The following GABBR2 variants were observed in gnomAD, a reference collection of about 807,000 sequenced individuals.
GABBR2 encodes G-protein coupled receptor 51.
A neutral mutation model predicts 105.6 loss-of-function variants in GABBR2; 23 were observed. That is an observed-to-expected ratio of 0.22 (90% CI 0.16 to 0.31). GABBR2 has a LOEUF of 0.31. Ranked by LOEUF, GABBR2 falls within the 10% of genes least tolerant of loss-of-function variation. The pLI is 1.00. For missense variants in GABBR2, 734 were observed against 1,245.5 expected (o/e 0.59, Z 6.18); for synonymous variants, 478 against 499.7 (o/e 0.96, Z 0.58).
rs1832687233 is a variant in GABBR2, at chr9:98,416,203, C to T, written c.1237-10062G>A. Among the ~76,000 whole-genome samples, 6 of 152,286 alleles carry T rather than the reference C, an allele frequency of 3.9e-5. No homozygotes were observed. The South Asian group carries it at 1.2e-3, about 32-fold the overall frequency. On this transcript the variant is annotated intron_variant, in intron 7 of 18. Coordinates refer to ENST00000259455, the MANE Select transcript of GABBR2 (RefSeq NM_005458.8). ...GGCTCTCAGCTCTCTCTGGAGCCTG[C>T]AGGAGCTGGCTCCAGCACACCCATA...
intron 3 of GABBR2, among the ~76,000 whole-genome samples, chr9:98,498,528 G>A (rs182681972): frequency 1.3e-5 from 2 of 152,346 alleles, no homozygotes; most frequent in East Asian, 3.9e-4. Flanking sequence ...AGACAAAACA[G>A]ACTGTGATGG....
intron 1 of GABBR2, among the ~76,000 whole-genome samples, chr9:98,587,175 T>C (rs986680819): frequency 2.0e-5 from 3 of 152,228 alleles, no homozygotes; most frequent in African/African-American, 7.2e-5. Context: ...TTTCATATGC[T>C]TATAGCCTGT....
At chr9:98,367,653 C>A (rs192235113) in intron 12 of GABBR2, among the ~76,000 whole-genome samples, 3 of 152,256 alleles carry the variant, frequency 2.0e-5, no homozygotes, top group Admixed American at 2.0e-4. Context: ...GCTGGATGAG[C>A]ACATTATTCC....
intron 6 of GABBR2, among the ~76,000 whole-genome samples, chr9:98,469,993 T>C (rs1350090842): frequency 3.9e-5 from 6 of 152,188 alleles, no homozygotes; most frequent in Non-Finnish European, 5.9e-5. Flanking sequence ...TGTTTGACCA[T>C]AGACTTCTGA....
At chr9:98,663,801 T>C (rs1830299387) in intron 1 of GABBR2, among the ~76,000 whole-genome samples, 1 of 152,014 alleles carries the variant, frequency 6.6e-6, no homozygotes, top group Non-Finnish European at 1.5e-5. Context: ...ATATATATAA[T>C]AATGACTCCC....
intron 12 of GABBR2, among the ~76,000 whole-genome samples, chr9:98,368,747 A>T (rs917311394): frequency 6.6e-6 from 1 of 152,202 alleles, no homozygotes; most frequent in Admixed American, 6.5e-5. Context: ...TGGAGTTGTC[A>T]TCCTGGTTCA....
chr9:98,662,409 A>C (rs1422986709), intron 1 of GABBR2, among the ~76,000 whole-genome samples: 5 of 152,204 alleles, frequency 3.3e-5, no homozygotes, highest in African/African-American at 9.7e-5. Flanking sequence ...TGTGCTGGGG[A>C]AAGATGAAGA....
intron 13 of GABBR2, among the ~76,000 whole-genome samples, chr9:98,337,888 G>T (rs62574337): frequency 0.015 from 2,350 of 152,220 alleles, 29 homozygotes; most frequent in Middle Eastern, 0.048. Flanking sequence ...CAGGCATGGT[G>T]GTGGGTGCCT....
At chr9:98,403,388 G>T (rs560130521) in intron 8 of GABBR2, among the ~76,000 whole-genome samples, 1 of 139,054 alleles carries the variant, frequency 7.2e-6, no homozygotes, top group African/African-American at 2.4e-5. Context: ...GGACACAAAT[G>T]CAGAGAGGGT....
intron 7 of GABBR2, among the ~76,000 whole-genome samples, chr9:98,413,835 G>A (rs757060737): frequency 7.2e-5 from 11 of 152,212 alleles, no homozygotes; most frequent in Non-Finnish European, 1.6e-4. Context: ...AGGAAGGGTG[G>A]AGCAACTCCC....
At chr9:98,344,858 G>T (rs148987659) in intron 13 of GABBR2, among the ~76,000 whole-genome samples, 1 of 151,996 alleles carries the variant, frequency 6.6e-6, no homozygotes, top group East Asian at 1.9e-4. Context: ...AATCTCTACC[G>T]ACTGGACAAA....
chr9:98,336,169 C>A (rs7045598), intron 13 of GABBR2, among the ~76,000 whole-genome samples: 3 of 151,860 alleles, frequency 2.0e-5, no homozygotes, highest in Non-Finnish European at 4.4e-5. Flanking sequence ...GGAGGAAGAG[C>A]GTTCCAGGCA....
intron 1 of GABBR2, among the ~76,000 whole-genome samples, chr9:98,628,875 C>A (rs917584075): frequency 1.3e-5 from 2 of 152,202 alleles, no homozygotes; most frequent in Non-Finnish European, 2.9e-5. Context: ...AACATGCACG[C>A]GCGTGCACCT....
intron 13 of GABBR2, among the ~76,000 whole-genome samples, chr9:98,357,640 TCAAAA>T (rs751276788): frequency 7.3e-5 from 11 of 150,954 alleles, no homozygotes; most frequent in African/African-American, 2.7e-4. Context: ...AGATCCTGTC[TCAAAA>T]CAAAACAAAA....
intron 1 of GABBR2, among the ~76,000 whole-genome samples, chr9:98,611,841 C>T (rs1034609452): frequency 7.2e-5 from 11 of 152,212 alleles, no homozygotes; most frequent in Non-Finnish European, 1.2e-4. Context: ...CACTGCTTCC[C>T]TGATGCGCCC....
At chr9:98,606,415 C>T (rs1029069387) in intron 1 of GABBR2, among the ~76,000 whole-genome samples, 10 of 151,886 alleles carry the variant, frequency 6.6e-5, no homozygotes, top group Admixed American at 5.9e-4. Context: ...AGGGTAAATA[C>T]ATACAAACTG....
At chr9:98,377,865 C>A (rs994725113) in intron 11 of GABBR2, among the ~76,000 whole-genome samples, 1 of 152,168 alleles carries the variant, frequency 6.6e-6, no homozygotes, top group African/African-American at 2.4e-5. Flanking sequence ...ACAGCCAGTC[C>A]CTGTGACCCT....
At chr9:98,580,811 C>T (rs1203805162) in intron 1 of GABBR2, among the ~76,000 whole-genome samples, 1 of 152,116 alleles carries the variant, frequency 6.6e-6, no homozygotes, top group Non-Finnish European at 1.5e-5. Flanking sequence ...CTGTTGGACA[C>T]TCTCCCTTCA....
intron 1 of GABBR2, among the ~76,000 whole-genome samples, chr9:98,675,640 G>A (rs1347958673): frequency 1.2e-4 from 19 of 152,178 alleles, no homozygotes; most frequent in Admixed American, 9.8e-4. Context: ...GTGGAATCCA[G>A]GAAGGATGTG....
Sources: allele counts gnomAD v4.1 joint callset (sites outside exome capture counted in the v4.1 genomes callset), GRCh38; gene constraint gnomAD v4.1.1; transcripts MANE v1.5; gene names NCBI Gene and HGNC (gene_info 2026-07-23, HGNC 2026-07-21).